Variants in ABCA12 observed in about 807,000 individuals in gnomAD.
ABCA12 encodes the protein glucosylceramide transporter ABCA12.
ABCA12 carries 156 observed loss-of-function variants against 293.5 expected under a neutral mutation model. The observed-to-expected ratio is 0.53, with a 90% CI of 0.47 to 0.61. The LOEUF (loss-of-function observed/expected upper bound fraction) is 0.61. ABCA12 is among the 20% of genes least tolerant of loss of function. The pLI is 0.00. For synonymous variants in ABCA12, 1,063 were observed against 1,108.0 expected, an observed-to-expected ratio of 0.96 and a Z score of 0.81; for missense variants, 2,797 against 3,090.2, an observed-to-expected ratio of 0.91 and a Z score of 2.25.
chr2:214,995,826 C>T (rs1263215949), intron 23 of ABCA12, among the ~76,000 whole-genome samples: 1 of 151,486 alleles, frequency 6.6e-6, no homozygotes, highest in Non-Finnish European at 1.5e-5. Flanking sequence ...TCCCAATTTC[C>T]AAGGCTTTAA....
chr2:214,959,199 G>A (rs1699042708), intron 39 of ABCA12, 121 bp from the exon 40 acceptor site: 9 of 907,154 alleles, frequency 9.9e-6, no homozygotes, highest in Non-Finnish European at 1.2e-5. Flanking sequence ...TTTATTTGGG[G>A]GACCTTTTTT....
chr2:215,057,644 C>T (rs1482850677), intron 3 of ABCA12, among the ~76,000 whole-genome samples: 1 of 151,940 alleles, frequency 6.6e-6, no homozygotes, highest in South Asian at 2.1e-4. Context: ...TTACCAATTT[C>T]CCCCTTTTTA....
intron 1 of ABCA12, among the ~76,000 whole-genome samples, chr2:215,120,680 C>T (rs533495728): frequency 1.4e-4 from 21 of 152,184 alleles, no homozygotes; most frequent in South Asian, 4.2e-4. Flanking sequence ...AATATATCTG[C>T]CATATGGTTA....
chr2:215,077,403 C>A (rs1315340164), intron 2 of ABCA12, among the ~76,000 whole-genome samples: 1 of 152,100 alleles, frequency 6.6e-6, no homozygotes, highest in Non-Finnish European at 1.5e-5. Flanking sequence ...AAATTCCATT[C>A]TTTGGTTTTG....
At position 215,057,371 on chromosome 2, in the gene ABCA12, T is replaced by C. The variant is rs1394995417; in HGVS notation, c.318-2707A>G. On this transcript the variant is annotated intron_variant, in intron 3 of 52. Coordinates refer to ENST00000272895, the MANE Select transcript of ABCA12 (RefSeq NM_173076.3). Reference sequence around the variant, plus strand: ...GTCAGAGTACCCACAAAAGAAGATGTTGCAAAGATGCAACCTTCACCATCA... The same window carrying C: ...GTCAGAGTACCCACAAAAGAAGATGCTGCAAAGATGCAACCTTCACCATCA... Among the ~76,000 whole-genome samples the C allele has an allele frequency of 3.3e-5, 5 of 152,040 alleles. 1 individual carries two copies. Among genetic ancestry groups the C allele is most frequent in the African/African-American group, 1.2e-4 (5 of 41,434 alleles).
At chr2:215,006,763 C>T (rs1472603435) in intron 19 of ABCA12, among the ~76,000 whole-genome samples, 2 of 151,912 alleles carry the variant, frequency 1.3e-5, no homozygotes, top group Non-Finnish European at 2.9e-5. Context: ...TTCTTTTCTC[C>T]AACTGATTAC....
chr2:215,114,544 C>T (rs1702647206), intron 1 of ABCA12, among the ~76,000 whole-genome samples: 1 of 152,136 alleles, frequency 6.6e-6, no homozygotes, highest in African/African-American at 2.4e-5. Flanking sequence ...TCCCAAGATA[C>T]ATAGGAGGCC....
chr2:215,064,346 C>A, intron 2 of ABCA12, 127 bp from the exon 3 acceptor site: 1 of 913,900 alleles, frequency 1.1e-6, no homozygotes, highest in South Asian at 1.5e-5. Flanking sequence ...CCAACTGAGC[C>A]CCAACTCTGC....
intron 1 of ABCA12, among the ~76,000 whole-genome samples, chr2:215,114,995 T>C (rs1412609278): frequency 6.6e-6 from 1 of 152,198 alleles, no homozygotes; most frequent in African/African-American, 2.4e-5. Flanking sequence ...GTATGTATGG[T>C]TGCCTTTTGC....
In ABCA12 at chr2:214,932,363, C is replaced by T. The variant is rs1698085420; in HGVS notation, c.*271G>A. 2 of 407,500 alleles carry T rather than the reference C, an allele frequency of 4.9e-6. No homozygotes were observed. The highest frequency in any genetic ancestry group is 8.9e-6 in the Non-Finnish European group (2 of 224,490). 25.2% of individuals were successfully genotyped at this position (407,500 alleles called of 1,614,324 possible). ...AATTAAGATATTCATCTTGAGGTGG[C>T]TTCACCTTTGCATAAGAATCACCAG... is the stretch of plus-strand genomic sequence containing the variant. On this transcript the variant is annotated 3_prime_UTR_variant, in exon 53 of 53. Transcript: ENST00000272895.
chr2:215,092,206 T>C (rs1173622189), intron 2 of ABCA12, among the ~76,000 whole-genome samples: 3 of 152,128 alleles, frequency 2.0e-5, no homozygotes, highest in Admixed American at 6.6e-5. Context: ...CAAGGGCCTG[T>C]TTCCCTTGCC....
At chr2:215,007,488 C>T (rs1407706697) in intron 19 of ABCA12, among the ~76,000 whole-genome samples, 1 of 152,162 alleles carries the variant, frequency 6.6e-6, no homozygotes, top group Non-Finnish European at 1.5e-5. Context: ...TCTAGATCAA[C>T]TTGTAAGATG....
At chr2:214,998,601 A>T (rs1289009835) in intron 22 of ABCA12, among the ~76,000 whole-genome samples, 1 of 152,190 alleles carries the variant, frequency 6.6e-6, no homozygotes, top group Non-Finnish European at 1.5e-5. Flanking sequence ...TCAAGCCCAG[A>T]TGTATTCCTC....
At position 214,944,152 on chromosome 2, in the gene ABCA12, C is replaced by T. The variant is rs13018105; in HGVS notation, c.7343+849G>A. Reference sequence around the variant, plus strand: ...TTCAGGCCAGGCGGGGTGGCTCATGCCTGTAATCCCAGCACTTTGGTAGGC... The same window carrying T: ...TTCAGGCCAGGCGGGGTGGCTCATGTCTGTAATCCCAGCACTTTGGTAGGC... On this transcript the variant is annotated intron_variant, in intron 49 of 52. Transcript: ENST00000272895. 8.4e-3 allele frequency among the ~76,000 whole-genome samples: 1,190 copies of T among 142,270 alleles called. 8 individuals are homozygous for T. Among genetic ancestry groups the T allele is most frequent in the Non-Finnish European group, 0.013 (887 of 66,214 alleles). 93.3% of individuals were successfully genotyped at this position (142,270 alleles called of 152,430 possible).
intron 5 of ABCA12, among the ~76,000 whole-genome samples, chr2:215,051,977 C>T (rs1402271227): frequency 6.6e-6 from 1 of 152,060 alleles, no homozygotes; most frequent in Non-Finnish European, 1.5e-5. Flanking sequence ...AAATTATGTT[C>T]ATTATCTTGC....
intron 2 of ABCA12, among the ~76,000 whole-genome samples, chr2:215,105,875 C>A (rs1006429846): frequency 5.9e-5 from 9 of 152,066 alleles, no homozygotes; most frequent in African/African-American, 1.9e-4. Flanking sequence ...CTGGATTGGG[C>A]AATCCACAGC....
intron 26 of ABCA12, 141 bp from the exon 27 acceptor site, chr2:214,987,934 G>A: frequency 9.1e-7 from 1 of 1,097,870 alleles, no homozygotes; most frequent in East Asian, 2.6e-5. Flanking sequence ...GGTGGTCTCA[G>A]TTTCCATAGT....
rs1377881934 is a variant in ABCA12, at chr2:214,968,599, G to A, written c.5778+121C>T. 6.5e-6 allele frequency: 6 copies of A among 920,874 alleles called. No individual in the cohort carries two copies. The East Asian group carries it at 1.2e-4, about 19-fold the overall frequency. The allele number at this position is 920,874 out of a possible 1,614,324, so 57.0% of individuals were successfully genotyped here. A position where few individuals can be genotyped will look rare whatever the true frequency, so the allele number is the denominator to read the frequency against. On this transcript the variant is annotated intron_variant, in intron 38 of 52. Transcript: ENST00000272895. The stretch of plus-strand genomic sequence containing the variant: ...ACAGAATTGGAACCACTGTGCCCTG[G>A]GTTATGCACAATGCCAAATCGATTG...
intron 31 of ABCA12, 87 bp downstream of exon 31, chr2:214,980,396 T>C: frequency 6.5e-7 from 1 of 1,541,370 alleles, no homozygotes; most frequent in East Asian, 2.3e-5. Flanking sequence ...ATTTTAGCAA[T>C]GAATAAAGTT....
Sources: gnomAD v4.1 joint callset for allele counts (sites outside exome capture counted in the v4.1 genomes callset) on GRCh38, gnomAD v4.1.1 for gene constraint, MANE v1.5 for transcripts, NCBI Gene and HGNC (gene_info 2026-07-23, HGNC 2026-07-21) for gene names.